TKTL1: variants seen among roughly 807,000 people sequenced by gnomAD.
TKTL1 encodes the protein transketolase-like protein 1.
TKTL1 carries 1 observed loss-of-function variant against 39.3 expected under a neutral mutation model. The observed-to-expected ratio is 0.03, with a 90% confidence interval of 0.01 to 0.12. TKTL1 has a LOEUF of 0.12. Among genes scored for constraint, TKTL1 ranks in the 10% least tolerant of loss-of-function variants. The probability of loss-of-function intolerance (pLI) is 1.00; values close to 1 mark genes in which losing one functional copy is unlikely to be tolerated. For missense variants in TKTL1, 575 were observed against 509.6 expected (o/e 1.13, Z -1.24); for synonymous variants, 262 against 193.8 (o/e 1.35, Z -2.92).
chrX:154,328,011 T>C, intron 12 of TKTL1, 53 bp downstream of exon 12: 33 of 1,195,876 alleles, frequency 2.8e-5, no homozygotes, highest in Non-Finnish European at 3.6e-5. Flanking sequence ...TTTGTTTCCT[T>C]GATTGGCCAC....
chrX:154,327,369 G>GCC lies in TKTL1; in HGVS notation c.1402-222_1402-221insCC, dbSNP rs782173464. Reference sequence around the variant, plus strand: ...GAGCTCTCAAACCAGACTCCTGATGGGTATGTGGCGTATCCATGCTCCAGG... The same window carrying GCC: ...GAGCTCTCAAACCAGACTCCTGATGGCCGTATGTGGCGTATCCATGCTCCAGG... On this transcript the variant is annotated intron_variant, in intron 10 of 12. Transcript: ENST00000369915. 2.2e-5 allele frequency: 12 copies of GCC among 548,943 alleles called. No individual in the cohort carries two copies. The African/African-American group carries it at 2.5e-4, about 11-fold the overall frequency. 45.2% of individuals were successfully genotyped at this position (548,943 alleles called of 1,213,427 possible). A position where few individuals can be genotyped will look rare whatever the true frequency, so the allele number is the denominator to read the frequency against.
intron 7 of TKTL1, among the ~76,000 whole-genome samples, chrX:154,318,565 G>A (rs1017636991): frequency 3.5e-4 from 38 of 108,262 alleles, no homozygotes; most frequent in Non-Finnish European, 5.9e-4. Context: ...AAAATTAGCC[G>A]GGCGTGGTGG....
rs146779031 is a variant in TKTL1 at position 154,323,333 on chromosome X, C to T, written c.1313C>T (p.Ala438Val). The change falls in exon 9 of 13, where the codon GCC (alanine) becomes GTC (valine). Residue 438 changes from alanine to valine, a missense_variant. Transcript: ENST00000369915. ...TEHAVALAAN[A>V]KGMCFIRTTR... The stretch of plus-strand genomic sequence containing the variant: ...CATGCTGTTGCTCTGGCAGCCAATG[C>T]CAAGGTATTTTTAAGGGGACACTAG... The T allele has an allele frequency of 8.3e-7, 1 of 1,209,305 alleles. No individual in the cohort carries two copies. Among genetic ancestry groups the T allele is most frequent in the African/African-American group, 1.8e-5 (1 of 57,094 alleles).
rs1412576100 is a variant in TKTL1 at position 154,295,826 on chromosome X, G to A, written c.-34G>A. The A allele has an allele frequency of 7.5e-6, 9 of 1,200,191 alleles. No homozygotes were observed. Among genetic ancestry groups the A allele is most frequent in the African/African-American group, 5.3e-5 (3 of 56,852 alleles). On this transcript the variant is annotated 5_prime_UTR_variant, in exon 1 of 13. Transcript: ENST00000369915. ...CGCTCTTCAGACGCCGGAGACGTAG[G>A]AGTGGGTCTTCAGACTCCAAAGGGG...
chrX:154,310,122 TTGATTGTTG>T (rs1178851275), intron 3 of TKTL1, among the ~76,000 whole-genome samples: 3 of 111,714 alleles, frequency 2.7e-5, no homozygotes, highest in African/African-American at 9.8e-5. Context: ...GTGGGGTGTT[TTGATTGTTG>T]TGATTATTGT....
rs782774728 is a variant in TKTL1, at chrX:154,323,299, T to A, written c.1279T>A (p.Ser427Thr). ...GATCTTCTACCCAACTGATGCCGTCTCCACGGAGCATGCTGTTGCTCTGGC... is the reference window on the plus strand; with the variant it reads ...GATCTTCTACCCAACTGATGCCGTCACCACGGAGCATGCTGTTGCTCTGGC... ...CTIFYPTDAVSTEHAVALAAN... is the reference protein window; with the variant it reads ...CTIFYPTDAVTTEHAVALAAN... Residue 427 changes from serine to threonine, a missense_variant, in exon 9 of 13, where the codon TCC becomes ACC. Transcript: ENST00000369915. The A allele has an allele frequency of 1.7e-6, 2 of 1,211,774 alleles. No homozygotes were observed. Among genetic ancestry groups the A allele is most frequent in the Admixed American group, 4.3e-5 (2 of 46,049 alleles).
chrX:154,315,915 G>A (rs1557169281), intron 7 of TKTL1, among the ~76,000 whole-genome samples: 2 of 111,350 alleles, frequency 1.8e-5, no homozygotes, highest in South Asian at 3.8e-4. Flanking sequence ...GCACACAAGC[G>A]CACCCCTCTG....
chrX:154,310,547 T>C (rs1178627945), intron 3 of TKTL1, among the ~76,000 whole-genome samples: 1 of 112,697 alleles, frequency 8.9e-6, no homozygotes, highest in African/African-American at 3.2e-5. Context: ...CCTTCCCCTC[T>C]GGCCCTGTTT....
chrX:154,311,351 A>C (rs2067356286), intron 5 of TKTL1, 113 bp downstream of exon 5: 1 of 1,025,030 alleles, frequency 9.8e-7, no homozygotes, highest in African/African-American at 1.9e-5. Flanking sequence ...AGTGAATAGC[A>C]GTTCTGCCTG....
chrX:154,303,596 G>A (rs58595626), intron 1 of TKTL1, among the ~76,000 whole-genome samples: 1 of 103,206 alleles, frequency 9.7e-6, no homozygotes, highest in African/African-American at 3.6e-5. Context: ...CACCTCCTGC[G>A]TTTGGCCCCC....
At chrX:154,318,725 A>AG (rs1415951004) in intron 7 of TKTL1, among the ~76,000 whole-genome samples, 33 of 107,335 alleles carry the variant, frequency 3.1e-4, no homozygotes, top group African/African-American at 1.1e-3. Context: ...AAAAAAAAAA[A>AG]AAAAGTTCAA....
At chrX:154,317,878 G>A (rs1439272807) in intron 7 of TKTL1, among the ~76,000 whole-genome samples, 1 of 110,292 alleles carries the variant, frequency 9.1e-6, no homozygotes, top group Non-Finnish European at 1.9e-5. Flanking sequence ...TGGACTGGAG[G>A]GCACCATCAG....
Position 154,330,014 on chromosome X carries a change from G to C in TKTL1, c.*326G>C, listed in dbSNP as rs782686755. On this transcript the variant is annotated 3_prime_UTR_variant, in exon 13 of 13. Coordinates refer to ENST00000369915, the MANE Select transcript of TKTL1 (RefSeq NM_012253.4). ...TAGAGGTAATCAATTCTTCCGAAGT[G>C]TTTCCTTCGTGAATAACTGGTAGAG... is the stretch of plus-strand genomic sequence containing the variant. The C allele has an allele frequency of 1.6e-5, 3 of 183,670 alleles. No individual in the cohort carries two copies. The highest frequency in any genetic ancestry group is 8.9e-5 in the African/African-American group (3 of 33,713). 15.1% of individuals were successfully genotyped at this position (183,670 alleles called of 1,213,427 possible).
intron 7 of TKTL1, among the ~76,000 whole-genome samples, chrX:154,317,963 G>A (rs1158748532): frequency 8.9e-6 from 1 of 112,281 alleles, no homozygotes; most frequent in Non-Finnish European, 1.9e-5. Context: ...CAGATGGCTG[G>A]GCAGTAGATC....
intron 1 of TKTL1, among the ~76,000 whole-genome samples, chrX:154,301,622 A>AT (rs2067274203): frequency 8.9e-6 from 1 of 112,572 alleles, no homozygotes; most frequent in Non-Finnish European, 1.9e-5. Flanking sequence ...GTACATGTTC[A>AT]TTTTGTTCCC....
At chrX:154,312,107 A>G (rs1007635068) in intron 5 of TKTL1, among the ~76,000 whole-genome samples, 4 of 111,657 alleles carry the variant, frequency 3.6e-5, no homozygotes, top group African/African-American at 1.3e-4. Context: ...ATGGTTTCCA[A>G]TCTTGCTTTG....
chrX:154,313,228 A>G (rs1256024319), intron 6 of TKTL1, among the ~76,000 whole-genome samples: 1 of 112,453 alleles, frequency 8.9e-6, no homozygotes, highest in Non-Finnish European at 1.9e-5. Flanking sequence ...TGGTTTGTGC[A>G]TGAAACTGCC....
chrX:154,322,229 C>CAAAA (rs34229834), intron 8 of TKTL1, among the ~76,000 whole-genome samples: 5 of 41,840 alleles, frequency 1.2e-4, no homozygotes, highest in African/African-American at 2.4e-4. Context: ...GAGGCTTTGT[C>CAAAA]AAAAAAAAAA....
At chrX:154,311,653 A>C (rs2067358618) in intron 5 of TKTL1, among the ~76,000 whole-genome samples, 1 of 111,637 alleles carries the variant, frequency 9.0e-6, no homozygotes, top group African/African-American at 3.3e-5. Context: ...GGGAGCTTGG[A>C]ATCACCAACT....
Sources: allele counts gnomAD v4.1 joint callset (sites outside exome capture counted in the v4.1 genomes callset), GRCh38; gene constraint gnomAD v4.1.1; transcripts MANE v1.5; gene names NCBI Gene and HGNC (gene_info 2026-07-23, HGNC 2026-07-21).